SRGAP3: variants seen among roughly 807,000 people sequenced by gnomAD.
SRGAP3 encodes the protein SLIT-ROBO Rho GTPase-activating protein 3.
In SRGAP3, 39 loss-of-function variants were observed where a neutral mutation model predicts 121.1. The observed-to-expected ratio is 0.32, with a 90% CI of 0.25 to 0.42. The LOEUF is 0.42. Among genes scored for constraint, SRGAP3 ranks in the 10% least tolerant of loss-of-function variants. SRGAP3 has a pLI of 1.00. For synonymous variants in SRGAP3, 601 were observed against 570.0 expected (o/e 1.05, Z -0.77); for missense variants, 1,213 against 1,470.6 (o/e 0.82, Z 2.86).
chr3:9,053,705 T>C (rs1358979333), intron 8 of SRGAP3, among the ~76,000 whole-genome samples: 2 of 152,248 alleles, frequency 1.3e-5, no homozygotes, highest in African/African-American at 4.8e-5. Flanking sequence ...TATCTGCTAC[T>C]GGACTCCTAT....
chr3:9,032,769 C>T lies in SRGAP3; in HGVS notation c.1437-17G>A, dbSNP rs1171985755. ...CAGGGGGGCCTAGGGGAAAACGGAA[C>T]AAAAGAAATCAAGAAAGCAACCAAC... On this transcript the variant is annotated splice_polypyrimidine_tract_variant and intron_variant, in intron 11 of 21. Coordinates refer to ENST00000383836, the MANE Select transcript of SRGAP3 (RefSeq NM_014850.4). 1 of 1,607,096 alleles carries T rather than the reference C, an allele frequency of 6.2e-7. No homozygotes were observed. Among genetic ancestry groups the T allele is most frequent in the African/African-American group, 1.3e-5 (1 of 74,636 alleles).
intron 1 of SRGAP3, chr3:9,192,744 C>A (rs1340443831): frequency 6.6e-6 from 1 of 152,170 alleles, no homozygotes; most frequent in Non-Finnish European, 1.5e-5. Flanking sequence ...AGTTTTGGGA[C>A]CCCCATCACA....
chr3:9,075,661 C>T lies in SRGAP3; in HGVS notation c.486+4364G>A, dbSNP rs149277026. ...CCATCATTATACCCTGTAGGACCCC[C>T]GGAACAGACCACCACCACCTCCCTT... On this transcript the variant is annotated intron_variant, in intron 4 of 21. Transcript: ENST00000383836. Among the ~76,000 whole-genome samples the T allele has an allele frequency of 2.8e-4, 42 of 152,228 alleles. No individual in the cohort carries two copies. In the East Asian group the frequency reaches 5.0e-3, roughly 18 times the overall value.
chr3:9,322,181 A>C (rs983644722), intron 3 of SRGAP3, among the ~76,000 whole-genome samples: 1 of 151,608 alleles, frequency 6.6e-6, no homozygotes, highest in Admixed American at 6.6e-5. Flanking sequence ...TTGTGGTGTG[A>C]GTTCAATTAA....
At chr3:9,065,033 C>A (rs578123880) in intron 4 of SRGAP3, among the ~76,000 whole-genome samples, 3 of 152,036 alleles carry the variant, frequency 2.0e-5, no homozygotes, top group Non-Finnish European at 4.4e-5. Flanking sequence ...CCCAGTGCCG[C>A]GGGGAAAGCC....
chr3:9,140,437 G>A (rs958543854), intron 1 of SRGAP3, among the ~76,000 whole-genome samples: 5 of 152,152 alleles, frequency 3.3e-5, no homozygotes, highest in Non-Finnish European at 5.9e-5. Context: ...AAAGATAGAA[G>A]AATATACACC....
intron 1 of SRGAP3, among the ~76,000 whole-genome samples, chr3:9,150,350 G>A (rs977285838): frequency 1.3e-5 from 2 of 152,026 alleles, no homozygotes; most frequent in Non-Finnish European, 2.9e-5. Flanking sequence ...GAAGGTGGGA[G>A]AGGAAAAGGG....
intron 2 of SRGAP3, among the ~76,000 whole-genome samples, chr3:9,326,660 G>A (rs1357880100): frequency 2.0e-5 from 3 of 151,736 alleles, no homozygotes; most frequent in Non-Finnish European, 4.4e-5. Flanking sequence ...TAACTACTGA[G>A]TTATCACAGG....
At chr3:9,006,698 G>A (rs1404795025) in intron 18 of SRGAP3, among the ~76,000 whole-genome samples, 8 of 152,264 alleles carry the variant, frequency 5.3e-5, no homozygotes, top group Admixed American at 1.3e-4. Flanking sequence ...AATTGAAAAT[G>A]GACATATCAC....
At chr3:9,074,315 C>G (rs1188465028) in intron 4 of SRGAP3, among the ~76,000 whole-genome samples, 1 of 152,196 alleles carries the variant, frequency 6.6e-6, no homozygotes, top group Non-Finnish European at 1.5e-5. Context: ...GGGCTATACT[C>G]TATGACAATC....
intron 3 of SRGAP3, among the ~76,000 whole-genome samples, chr3:9,090,823 G>C (rs2124850945): frequency 6.6e-6 from 1 of 152,188 alleles, no homozygotes; most frequent in Non-Finnish European, 1.5e-5. Context: ...TTTTAGTAGA[G>C]ACAGGTTTTC....
At chr3:9,075,392 C>T (rs3856901) in intron 4 of SRGAP3, among the ~76,000 whole-genome samples, 4,500 of 91,134 alleles carry the variant, frequency 0.049, 180 homozygotes, top group East Asian at 0.25. Flanking sequence ...TGTGTGTGTG[C>T]GCGCGCACAT....
chr3:9,094,613 G>T (rs1039293100), intron 3 of SRGAP3, among the ~76,000 whole-genome samples: 2 of 152,044 alleles, frequency 1.3e-5, no homozygotes, highest in Non-Finnish European at 2.9e-5. Flanking sequence ...GGGTCCTGAG[G>T]CTCCACATTC....
At chr3:9,214,122 A>ACACACACACACACACACACATG (rs1441701587) in intron 1 of SRGAP3, among the ~76,000 whole-genome samples, 40 of 150,758 alleles carry the variant, frequency 2.7e-4, no homozygotes, top group Admixed American at 4.0e-4. Context: ...CCTCCAACAC[A>ACACACACACACACACACACATG]CACACACACA....
intron 2 of SRGAP3, among the ~76,000 whole-genome samples, chr3:9,113,669 G>C (rs1948708124): frequency 6.6e-6 from 1 of 152,060 alleles, no homozygotes; most frequent in Non-Finnish European, 1.5e-5. Flanking sequence ...CGTGTCATGG[G>C]TGGGACCAGG....
intron 1 of SRGAP3, among the ~76,000 whole-genome samples, chr3:9,173,408 T>C (rs1560337633): frequency 6.6e-6 from 1 of 152,092 alleles, no homozygotes; most frequent in Non-Finnish European, 1.5e-5. Flanking sequence ...TGACACCTAC[T>C]AAGATATGAA....
At chr3:9,271,069 C>T (rs550426621) in intron 3 of SRGAP3, among the ~76,000 whole-genome samples, 45 of 152,302 alleles carry the variant, frequency 3.0e-4, no homozygotes, top group African/African-American at 8.4e-4. Flanking sequence ...CCCAGTGGCT[C>T]GTGACTGTAA....
intron 10 of SRGAP3, among the ~76,000 whole-genome samples, chr3:9,043,070 C>A (rs116195348): frequency 6.6e-6 from 1 of 152,178 alleles, no homozygotes; most frequent in East Asian, 1.9e-4. Flanking sequence ...AGGTCCCCCC[C>A]ATCTCTCCCA....
intron 1 of SRGAP3, among the ~76,000 whole-genome samples, chr3:9,149,405 C>T (rs367898131): frequency 2.0e-5 from 3 of 152,028 alleles, no homozygotes; most frequent in Non-Finnish European, 4.4e-5. Flanking sequence ...GCATTAATAG[C>T]CCCACTTCTT....
Sources: allele counts gnomAD v4.1 joint callset (sites outside exome capture counted in the v4.1 genomes callset), GRCh38; gene constraint gnomAD v4.1.1; transcripts MANE v1.5; gene names NCBI Gene and HGNC (gene_info 2026-07-23, HGNC 2026-07-21).